LCOR: variants seen among roughly 807,000 people sequenced by gnomAD.
LCOR encodes the protein ligand dependent nuclear receptor corepressor.
A neutral mutation model predicts 64.4 loss-of-function variants in LCOR; 14 were observed. That is an observed-to-expected ratio of 0.22 (90% CI 0.14 to 0.34). The LOEUF (loss-of-function observed/expected upper bound fraction) is 0.34. LCOR is among the 10% of genes least tolerant of loss of function. LCOR has a pLI of 1.00. For synonymous variants in LCOR, 643 were observed against 642.5 expected (o/e 1.00, Z -0.01); for missense variants, 1,686 against 1,765.3 (o/e 0.96, Z 0.80).
chr10:96,956,765 CATT>C, intron 7 of LCOR: 1 of 985,782 alleles, frequency 1.0e-6, no homozygotes, highest in Non-Finnish European at 1.2e-6. Flanking sequence ...AGTCAGGGTA[CATT>C]ACATAAAACA....
At chr10:96,917,111 A>G (rs913377435) in intron 4 of LCOR, among the ~76,000 whole-genome samples, 1 of 152,240 alleles carries the variant, frequency 6.6e-6, no homozygotes, top group Non-Finnish European at 1.5e-5. Flanking sequence ...TCCATGAAAT[A>G]TCAAAGAGTT....
chr10:96,957,960 A>G, intron 7 of LCOR: 1 of 987,452 alleles, frequency 1.0e-6, no homozygotes, highest in Non-Finnish European at 1.2e-6. Flanking sequence ...CCTAGCTGGA[A>G]GTTGCAATAA....
In LCOR at chr10:96,983,148, T is replaced by C; in HGVS notation, c.2688T>C (p.Asp896=). 6.2e-7 allele frequency: 1 copy of C among 1,613,990 alleles called. No individual in the cohort carries two copies. The highest frequency in any genetic ancestry group is 1.6e-4 in the Middle Eastern group (1 of 6,062). The change falls in exon 8 of 8, where the codon GAT becomes GAC. Residue 896 remains aspartate, a synonymous_variant. Transcript: ENST00000421806. This position sits in a 1 kb window ranked among gnomAD's most constrained non-coding sequence, Gnocchi z 4.5. ...PSVNERPSEK[D]AEQEGEGGGI... ...TCAATGAACGCCCCTCTGAGAAAGA[T>C]GCTGAGCAGGAGGGCGAAGGCGGGG...
At chr10:96,862,129 A>G (rs1032047946) in intron 2 of LCOR, among the ~76,000 whole-genome samples, 1 of 152,200 alleles carries the variant, frequency 6.6e-6, no homozygotes, top group Non-Finnish European at 1.5e-5. Context: ...AGGGCAAGGC[A>G]TGGAGGAAGG....
Position 96,981,339 on chromosome 10 carries a change from T to C in LCOR, c.879T>C (p.Thr293=), listed in dbSNP as rs1468346866. The C allele has an allele frequency of 1.2e-6, 2 of 1,612,900 alleles. No homozygotes were observed. The highest frequency in any genetic ancestry group is 1.1e-5 in the South Asian group (1 of 91,032). The part of the protein sequence containing the change: ...HIPKILEGQT[T]GQEQDTNVNI... Reference sequence around the variant, plus strand: ...CTAAAATCTTGGAGGGGCAGACCACTGGACAAGAGCAAGACACAAATGTGA... The same window carrying C: ...CTAAAATCTTGGAGGGGCAGACCACCGGACAAGAGCAAGACACAAATGTGA... Residue 293 remains threonine, a synonymous_variant, in exon 8 of 8, where the codon ACT becomes ACC. Transcript: ENST00000421806.
rs543635911 is a variant in LCOR at position 96,835,087 on chromosome 10, G to C, written c.-330+1608G>C. ...AGCTAATTTTTGTACTTTTGGTAGA[G>C]ACGGGGTTTCACCATATTGGCCAGG... On this transcript the variant is annotated intron_variant, in intron 2 of 7. Transcript: ENST00000421806. 2.8e-3 allele frequency among the ~76,000 whole-genome samples: 433 copies of C among 152,288 alleles called. 6 individuals are homozygous for C. The highest frequency in any genetic ancestry group is 9.4e-3 in the African/African-American group (389 of 41,556).
chr10:96,905,954 T>G (rs1846719801), intron 2 of LCOR, among the ~76,000 whole-genome samples: 1 of 152,206 alleles, frequency 6.6e-6, no homozygotes, highest in East Asian at 1.9e-4. Context: ...CTTCTTCTTC[T>G]TATAGCCAGA....
Position 96,984,313 on chromosome 10 carries a change from A to G in LCOR, c.3853A>G (p.Ser1285Gly). The G allele has an allele frequency of 1.2e-6, 2 of 1,614,170 alleles. No individual in the cohort carries two copies. Among genetic ancestry groups the G allele is most frequent in the Non-Finnish European group, 1.7e-6 (2 of 1,180,048 alleles). ...DVSPGPNSED[S>G]IEEVKEDRNS... ...CAGCCCCGGCCCTAATTCTGAAGAC[A>G]GCATAGAGGAAGTCAAGGAAGATAG... The change falls in exon 8 of 8, where the codon AGC (serine) becomes GGC (glycine). Residue 1285 changes from serine to glycine, a missense_variant. Coordinates refer to ENST00000421806, the MANE Select transcript of LCOR (RefSeq NM_001346516.2).
At chr10:96,832,481 T>A (rs931765399) in intron 1 of LCOR, 82 bp downstream of exon 1, 2 of 395,200 alleles carry the variant, frequency 5.1e-6, no homozygotes, top group Non-Finnish European at 6.8e-6. Context: ...GCTGGGGAAG[T>A]GGCAATTGCT....
At chr10:96,869,432 C>G (rs1441255524) in intron 2 of LCOR, among the ~76,000 whole-genome samples, 1 of 152,108 alleles carries the variant, frequency 6.6e-6, no homozygotes, top group Non-Finnish European at 1.5e-5. Context: ...CCAGGCTGGT[C>G]TCAAAATCCT....
chr10:96,856,438 T>C (rs1294032969), intron 2 of LCOR, among the ~76,000 whole-genome samples: 2 of 151,514 alleles, frequency 1.3e-5, no homozygotes, highest in East Asian at 1.9e-4. Flanking sequence ...TCCCTTCCTT[T>C]CTTTCCTTCT....
At chr10:96,878,815 G>A (rs902141315) in intron 2 of LCOR, among the ~76,000 whole-genome samples, 2 of 151,404 alleles carry the variant, frequency 1.3e-5, no homozygotes, top group South Asian at 4.2e-4. Context: ...CCCCTCTTCC[G>A]ACAGTGTCTG....
At chr10:96,904,496 G>A (rs1846694147) in intron 2 of LCOR, among the ~76,000 whole-genome samples, 1 of 152,164 alleles carries the variant, frequency 6.6e-6, no homozygotes, top group South Asian at 2.1e-4. Flanking sequence ...TTGAAGCAGT[G>A]TTTTAGGAAT....
chr10:96,854,485 C>T (rs754234315), intron 2 of LCOR, among the ~76,000 whole-genome samples: 1 of 152,120 alleles, frequency 6.6e-6, no homozygotes, highest in Non-Finnish European at 1.5e-5. Context: ...CGCCACCACA[C>T]CCAGCTAATT....
chr10:96,981,290 C>T lies in LCOR; in HGVS notation c.830C>T (p.Ser277Phe), dbSNP rs1848083210. Reference sequence around the variant, plus strand: ...GGATACCTCACTGCATCTAATTGTTCCTCAGTGAACTTCCACCACATCCCT... The same window carrying T: ...GGATACCTCACTGCATCTAATTGTTTCTCAGTGAACTTCCACCACATCCCT... ...TPGYLTASNC[S>F]SVNFHHIPKI... The change falls in exon 8 of 8, where the codon TCC becomes TTC. Residue 277 changes from serine (S) to phenylalanine (F), a missense_variant. Around this residue, in one of 3 missense-constraint regions of LCOR, gnomAD observed 313 missense variants for 247.2 expected, o/e 1.27. Transcript: ENST00000421806. 1 of 1,398,460 alleles carries T rather than the reference C, an allele frequency of 7.2e-7. No individual in the cohort carries two copies. Among genetic ancestry groups the T allele is most frequent in the East Asian group, 2.3e-5 (1 of 42,810 alleles). 86.6% of individuals were successfully genotyped at this position (1,398,460 alleles called of 1,614,324 possible).
chr10:96,969,571 TTGAACAA>T (rs1847979287), intron 7 of LCOR, among the ~76,000 whole-genome samples: 1 of 152,140 alleles, frequency 6.6e-6, no homozygotes, highest in Non-Finnish European at 1.5e-5. Context: ...GTAGTAGAGT[TTGAACAA>T]TGATCTAAGA....
At chr10:96,874,804 A>G (rs1243839259) in intron 2 of LCOR, among the ~76,000 whole-genome samples, 1 of 151,664 alleles carries the variant, frequency 6.6e-6, no homozygotes, top group Non-Finnish European at 1.5e-5. Flanking sequence ...CGCCCAGCTA[A>G]TTTTTGTATT....
At chr10:96,849,282 C>G (rs1564602000) in intron 2 of LCOR, among the ~76,000 whole-genome samples, 1 of 151,862 alleles carries the variant, frequency 6.6e-6, no homozygotes, top group African/African-American at 2.4e-5. Flanking sequence ...ACTGTGTTAG[C>G]CAGGATGGTC....
At chr10:96,872,021 T>C (rs930628021) in intron 2 of LCOR, among the ~76,000 whole-genome samples, 4 of 152,336 alleles carry the variant, frequency 2.6e-5, no homozygotes, top group Non-Finnish European at 5.9e-5. Flanking sequence ...ATTGACATAG[T>C]CCATGCCACA....
Sources: allele counts gnomAD v4.1 joint callset (sites outside exome capture counted in the v4.1 genomes callset), GRCh38; gene constraint gnomAD v4.1.1; regional missense constraint gnomAD v4.1.1; non-coding constraint Gnocchi (gnomAD v3.1); transcripts MANE v1.5; gene names NCBI Gene and HGNC (gene_info 2026-07-23, HGNC 2026-07-21).